Variants in NCAM1 observed in about 807,000 individuals in gnomAD.
NCAM1 encodes the protein antigen recognized by monoclonal antibody 5.1H11.
A neutral mutation model predicts 109.8 loss-of-function variants in NCAM1; 14 were observed. That is an observed-to-expected ratio of 0.13 (90% CI 0.08 to 0.20). NCAM1 has a LOEUF of 0.20. Ranked by LOEUF, NCAM1 falls within the 10% of genes least tolerant of loss-of-function variation. The pLI is 1.00. For missense variants in NCAM1, 774 were observed against 1,109.9 expected (o/e 0.70, Z 4.30); for synonymous variants, 418 against 442.9 (o/e 0.94, Z 0.70).
chr11:113,261,944 G>A (rs540537042), intron 17 of NCAM1, among the ~76,000 whole-genome samples: 30 of 152,284 alleles, frequency 2.0e-4, no homozygotes, highest in African/African-American at 7.2e-4. Flanking sequence ...GTGCCTGCTG[G>A]AGATATCAGA....
intron 8 of NCAM1, among the ~76,000 whole-genome samples, chr11:113,217,589 G>T (rs1944566122): frequency 6.6e-6 from 1 of 151,984 alleles, no homozygotes. Context: ...TGCAGAAAAA[G>T]GCACATTAGC....
chr11:113,027,164 G>A (rs1952571179), intron 1 of NCAM1, among the ~76,000 whole-genome samples: 1 of 152,190 alleles, frequency 6.6e-6, no homozygotes, highest in Non-Finnish European at 1.5e-5. Context: ...AAAATTGACA[G>A]CCTCTTTCAC....
Position 113,063,601 on chromosome 11 carries a change from C to A in NCAM1, c.52+101937C>A, listed in dbSNP as rs193054720. Among the ~76,000 whole-genome samples the A allele has an allele frequency of 1.1e-4, 16 of 152,284 alleles. No individual in the cohort carries two copies. The South Asian group carries it at 1.9e-3, about 18-fold the overall frequency. On this transcript the variant is annotated intron_variant, in intron 1 of 19. Coordinates refer to ENST00000316851, the MANE Select transcript of NCAM1 (RefSeq NM_181351.5). ...TTCTCATGGCACTGAGGAGGCACACCGTGGGCCCATATAATTGACATTACT... is the reference window on the plus strand; with the variant it reads ...TTCTCATGGCACTGAGGAGGCACACAGTGGGCCCATATAATTGACATTACT...
intron 15 of NCAM1, among the ~76,000 whole-genome samples, chr11:113,252,405 CA>C (rs58848352): frequency 0.12 from 10,019 of 84,702 alleles, 471 homozygotes; most frequent in African/African-American, 0.22. Flanking sequence ...GACCCTGTCT[CA>C]AAAAAAAAAA....
At chr11:113,044,919 A>C (rs1777869305) in intron 1 of NCAM1, among the ~76,000 whole-genome samples, 1 of 151,742 alleles carries the variant, frequency 6.6e-6, no homozygotes, top group African/African-American at 2.4e-5. Flanking sequence ...ACGCCTGGCT[A>C]ATTTTTTGTA....
At chr11:112,990,152 T>C (rs1186663525) in intron 1 of NCAM1, among the ~76,000 whole-genome samples, 2 of 152,158 alleles carry the variant, frequency 1.3e-5, no homozygotes, top group African/African-American at 4.8e-5. Flanking sequence ...TCTACAAGGC[T>C]AGTTCTGGGA....
chr11:113,027,474 A>C (rs2135308043), intron 1 of NCAM1, among the ~76,000 whole-genome samples: 1 of 152,304 alleles, frequency 6.6e-6, no homozygotes, highest in African/African-American at 2.4e-5. Context: ...TATTAGGTTA[A>C]TTTTGGTCTT....
intron 4 of NCAM1, 133 bp downstream of exon 4, chr11:113,205,799 C>G: frequency 7.8e-7 from 1 of 1,288,130 alleles, no homozygotes; most frequent in Non-Finnish European, 1.1e-6. Flanking sequence ...TTTCTGGGTC[C>G]TGAATAGATG....
chr11:113,168,174 G>C (rs1459608410), intron 1 of NCAM1, among the ~76,000 whole-genome samples: 1 of 152,152 alleles, frequency 6.6e-6, no homozygotes, highest in Non-Finnish European at 1.5e-5. Context: ...CTTGAAAAAT[G>C]TTGCCTTGTG....
At chr11:113,099,306 A>G (rs7105464) in intron 1 of NCAM1, among the ~76,000 whole-genome samples, 121,204 of 152,104 alleles carry the variant, frequency 0.8, 48,500 homozygotes, top group African/African-American at 0.88. Flanking sequence ...AATAAAGAAA[A>G]CATCATGAGG....
chr11:113,165,107 T>C (rs1942743902), intron 1 of NCAM1, among the ~76,000 whole-genome samples: 1 of 152,090 alleles, frequency 6.6e-6, no homozygotes, highest in Non-Finnish European at 1.5e-5. Flanking sequence ...AGCATGACAA[T>C]GGAAACGTGT....
intron 1 of NCAM1, chr11:113,041,205 CTG>C (rs1257353451): frequency 1.3e-5 from 2 of 152,172 alleles, no homozygotes; most frequent in Non-Finnish European, 2.9e-5. Context: ...CAGGATTTTA[CTG>C]TCTTATTTTT....
intron 1 of NCAM1, among the ~76,000 whole-genome samples, chr11:113,129,016 C>A (rs3018458): frequency 0.1 from 15,663 of 150,700 alleles, 1,411 homozygotes; most frequent in Admixed American, 0.22. Context: ...GAGCAAAAAA[C>A]GAGAGCAGAA....
At chr11:113,024,655 A>G (rs1591258744) in intron 1 of NCAM1, among the ~76,000 whole-genome samples, 1 of 152,172 alleles carries the variant, frequency 6.6e-6, no homozygotes, top group Admixed American at 6.5e-5. Context: ...TATTTTTAGC[A>G]GTAAAGTGGG....
intron 1 of NCAM1, among the ~76,000 whole-genome samples, chr11:112,984,980 T>G (rs1951259313): frequency 1.3e-5 from 2 of 151,948 alleles, no homozygotes; most frequent in South Asian, 4.1e-4. Flanking sequence ...AAGACCAGTG[T>G]CAAGGAGCTT....
Position 113,207,052 on chromosome 11 carries a change from A to G in NCAM1, c.629-209A>G, listed in dbSNP as rs562269371. Among the ~76,000 whole-genome samples, 212 of 152,364 alleles carry G rather than the reference A, an allele frequency of 1.4e-3. 1 individual carries two copies. The highest frequency in any genetic ancestry group is 4.8e-3 in the African/African-American group (201 of 41,578). On this transcript the variant is annotated intron_variant, in intron 5 of 19. Coordinates refer to ENST00000316851, the MANE Select transcript of NCAM1 (RefSeq NM_181351.5). ...TATAGCTTCTCAATTAATGAAAAACAAAAATGCATGTTTGTAGAACTGTCT... is the reference window on the plus strand; with the variant it reads ...TATAGCTTCTCAATTAATGAAAAACGAAAATGCATGTTTGTAGAACTGTCT...
intron 1 of NCAM1, among the ~76,000 whole-genome samples, chr11:113,049,992 T>G (rs1953409371): frequency 6.6e-6 from 1 of 152,178 alleles, no homozygotes; most frequent in South Asian, 2.1e-4. Flanking sequence ...TGAAAAAGAA[T>G]GCCTTGGAGA....
At chr11:112,969,791 C>A (rs1170404417) in intron 1 of NCAM1, among the ~76,000 whole-genome samples, 1 of 152,114 alleles carries the variant, frequency 6.6e-6, no homozygotes, top group East Asian at 1.9e-4. Context: ...AGAGGAAAAA[C>A]AAAATAAATT....
At chr11:113,240,385 A>G (rs1350005540) in intron 14 of NCAM1, 2 of 209,918 alleles carry the variant, frequency 9.5e-6, no homozygotes, top group East Asian at 2.5e-4. Flanking sequence ...GATGTGTAAC[A>G]TGAAAAGCCA....
Sources: allele counts gnomAD v4.1 joint callset (sites outside exome capture counted in the v4.1 genomes callset), GRCh38; gene constraint gnomAD v4.1.1; transcripts MANE v1.5; gene names NCBI Gene and HGNC (gene_info 2026-07-23, HGNC 2026-07-21).